KALRN: variants seen among roughly 807,000 people sequenced by gnomAD.
KALRN encodes the protein kalirin RhoGEF kinase.
A neutral mutation model predicts 353.7 loss-of-function variants in KALRN; 70 were observed. The ratio of observed to expected loss-of-function variants is 0.20; its 90% confidence interval spans 0.16 to 0.24. The LOEUF (loss-of-function observed/expected upper bound fraction) is 0.24. KALRN is among the 10% of genes least tolerant of loss of function. The pLI, the probability that KALRN is intolerant of heterozygous loss-of-function variation, is 1.00. For missense variants in KALRN, 2,791 were observed against 3,756.7 expected (o/e 0.74, Z 6.72); for synonymous variants, 1,391 against 1,434.8 (o/e 0.97, Z 0.69).
At chr3:124,175,388 T>C (rs1281552757) in intron 1 of KALRN, among the ~76,000 whole-genome samples, 1 of 136,818 alleles carries the variant, frequency 7.3e-6, no homozygotes, top group African/African-American at 3.0e-5. Flanking sequence ...CGCTGCGAAG[T>C]GTCCAGGCCT....
chr3:124,634,221 G>T lies in KALRN; in HGVS notation c.5568+268G>T, dbSNP rs772834440. Among the ~76,000 whole-genome samples the T allele has an allele frequency of 1.1e-3, 171 of 152,244 alleles. 1 individual carries two copies. Among genetic ancestry groups the T allele is most frequent in the Non-Finnish European group, 2.1e-3 (144 of 68,010 alleles). On this transcript the variant is annotated intron_variant, in intron 36 of 59. Transcript: ENST00000682506. ...TCTTGTCCTGTTGATAAAGGGTAAT[G>T]GCTCTGTCTTTGGAAGCAGCACATC...
Position 124,110,997 on chromosome 3 carries a change from T to G in KALRN, c.73+77184T>G, listed in dbSNP as rs1012829386. ...AATGCTCTCAAGGCAAAAGCTTTTT[T>G]TGTGTGTTTTGGGCCTTCCTCTTTG... On this transcript the variant is annotated intron_variant, in intron 1 of 59. Coordinates refer to ENST00000682506, the MANE Select transcript of KALRN (RefSeq NM_001388419.1). Among the ~76,000 whole-genome samples, 6 of 152,362 alleles carry G rather than the reference T, an allele frequency of 3.9e-5. No individual in the cohort carries two copies. In the East Asian group the frequency reaches 7.7e-4, roughly 20 times the overall value.
At chr3:124,678,860 TTAAA>T (rs1270023504) in intron 50 of KALRN, among the ~76,000 whole-genome samples, 6 of 152,198 alleles carry the variant, frequency 3.9e-5, no homozygotes, top group African/African-American at 1.4e-4. Flanking sequence ...AATTATTTCT[TTAAA>T]TAATCCATCT....
chr3:124,428,766 T>G (rs1046691327), intron 15 of KALRN, among the ~76,000 whole-genome samples: 3 of 152,240 alleles, frequency 2.0e-5, no homozygotes, highest in Admixed American at 2.0e-4. Context: ...ATGATGTTTC[T>G]AAATGGGAAG....
chr3:124,319,908 T>TCAGGCTGAG (rs1295477572), intron 6 of KALRN, among the ~76,000 whole-genome samples: 14 of 151,924 alleles, frequency 9.2e-5, no homozygotes, highest in Non-Finnish European at 1.9e-4. Context: ...GCAGGAGAAT[T>TCAGGCTGAG]GCTTGAACCC....
chr3:124,722,530 A>G lies in KALRN; in HGVS notation c.*3060A>G, dbSNP rs1419837215. 1 of 152,192 alleles carries G rather than the reference A, an allele frequency of 6.6e-6. No homozygotes were observed. Among genetic ancestry groups the G allele is most frequent in the Non-Finnish European group, 1.5e-5 (1 of 68,014 alleles). The allele number at this position is 152,192 out of a possible 1,614,324, so 9.4% of individuals were successfully genotyped here. On this transcript the variant is annotated 3_prime_UTR_variant, in exon 60 of 60. Coordinates refer to ENST00000682506, the MANE Select transcript of KALRN (RefSeq NM_001388419.1). ...GTCTGCAAAGCTCCTGGTCCCTCCC[A>G]ACAGAGATAAGAGAGTAGTCTTGGT... is the stretch of plus-strand genomic sequence containing the variant.
intron 1 of KALRN, among the ~76,000 whole-genome samples, chr3:124,047,145 A>C (rs2040552226): frequency 6.6e-6 from 1 of 152,196 alleles, no homozygotes; most frequent in African/African-American, 2.4e-5. Flanking sequence ...TGGAAAAATA[A>C]ATATTCACTC....
intron 33 of KALRN, among the ~76,000 whole-genome samples, chr3:124,503,870 G>A (rs1169985821): frequency 6.6e-6 from 1 of 151,990 alleles, no homozygotes; most frequent in Non-Finnish European, 1.5e-5. Context: ...AGGTTCACAG[G>A]GCAAAATATT....
rs564406694 is a variant in KALRN at position 124,586,683 on chromosome 3, T to G, written c.5182+23594T>G. ...AGGCTAGCGACCCTCAGATGAAGAC[T>G]GAGGGAGTCAGAGGTCCAAGCAATG... On this transcript the variant is annotated intron_variant, in intron 34 of 59. Coordinates refer to ENST00000682506, the MANE Select transcript of KALRN (RefSeq NM_001388419.1). 3.6e-4 allele frequency among the ~76,000 whole-genome samples: 55 copies of G among 152,218 alleles called. 1 individual carries two copies. The highest frequency in any genetic ancestry group is 5.9e-5 in the Non-Finnish European group (4 of 68,016).
At chr3:124,286,062 TTTTC>T (rs1480123601) in intron 5 of KALRN, among the ~76,000 whole-genome samples, 1 of 136,334 alleles carries the variant, frequency 7.3e-6, no homozygotes, top group African/African-American at 2.7e-5. Flanking sequence ...CAGTGTGCTG[TTTTC>T]TTTCTTTCTT....
Position 124,401,243 on chromosome 3 carries a change from G to A in KALRN, c.2346+2372G>A, listed in dbSNP as rs532099329. Among the ~76,000 whole-genome samples the A allele has an allele frequency of 1.8e-4, 28 of 152,296 alleles. No individual in the cohort carries two copies. In the South Asian group the frequency reaches 3.3e-3, roughly 18 times the overall value. ...TATGGAGCCAAGGGTGGTGGCTCAC[G>A]CCTATAATCCCAGCACTTTGGGAGG... On this transcript the variant is annotated intron_variant, in intron 13 of 59. Transcript: ENST00000682506.
At chr3:124,543,319 T>G (rs2069249757) in intron 33 of KALRN, among the ~76,000 whole-genome samples, 1 of 151,642 alleles carries the variant, frequency 6.6e-6, no homozygotes, top group Non-Finnish European at 1.5e-5. Flanking sequence ...TTTTTTTTTT[T>G]GAGACGGAAT....
At chr3:124,648,281 G>C (rs598248) in intron 37 of KALRN, among the ~76,000 whole-genome samples, 56,746 of 152,074 alleles carry the variant, frequency 0.37, 10,984 homozygotes, top group African/African-American at 0.47. Context: ...TCTTGTCCTT[G>C]TCTCTCACTG....
intron 5 of KALRN, among the ~76,000 whole-genome samples, chr3:124,276,169 T>C (rs1174980797): frequency 6.6e-6 from 1 of 152,226 alleles, no homozygotes; most frequent in East Asian, 1.9e-4. Flanking sequence ...CTTGGAAGTC[T>C]GTGCAAACAA....
At chr3:124,677,709 T>C (rs1051924719) in intron 49 of KALRN, 1 of 427,188 alleles carries the variant, frequency 2.3e-6, no homozygotes, top group African/African-American at 2.0e-5. Flanking sequence ...ATACAAATCA[T>C]GAGGTAGAAC....
intron 37 of KALRN, among the ~76,000 whole-genome samples, chr3:124,642,552 CA>C (rs2082153868): frequency 6.6e-6 from 1 of 152,130 alleles, no homozygotes; most frequent in Admixed American, 6.5e-5. Context: ...CCTATTTTGA[CA>C]GCATTCATCT....
At chr3:124,129,563 A>G (rs949150457) in intron 1 of KALRN, among the ~76,000 whole-genome samples, 3 of 152,324 alleles carry the variant, frequency 2.0e-5, no homozygotes, top group African/African-American at 2.4e-5. Flanking sequence ...CTCTACTTCA[A>G]TCTCCTGGAC....
At chr3:124,192,443 G>A (rs1424519904) in intron 1 of KALRN, among the ~76,000 whole-genome samples, 1 of 152,132 alleles carries the variant, frequency 6.6e-6, no homozygotes. Flanking sequence ...AAATTAGAAT[G>A]AATAACAACT....
chr3:124,489,189 C>A (rs1182885501), intron 29 of KALRN, among the ~76,000 whole-genome samples: 1 of 152,126 alleles, frequency 6.6e-6, no homozygotes, highest in African/African-American at 2.4e-5. Context: ...TGCCTGTAAT[C>A]CCAGCTACTC....
Sources: gnomAD v4.1 joint callset for allele counts (sites outside exome capture counted in the v4.1 genomes callset) on GRCh38, gnomAD v4.1.1 for gene constraint, MANE v1.5 for transcripts, NCBI Gene and HGNC (gene_info 2026-07-23, HGNC 2026-07-21) for gene names.